PARD3B: variants seen among roughly 807,000 people sequenced by gnomAD.
PARD3B encodes the protein partitioning defective 3 homolog B.
A neutral mutation model predicts 130.2 loss-of-function variants in PARD3B; 103 were observed. The ratio of observed to expected loss-of-function variants is 0.79; its 90% CI spans 0.67 to 0.93. The LOEUF is 0.93. Among genes scored for constraint, PARD3B ranks in the 40% least tolerant of loss-of-function variants. The pLI is 0.00. For missense variants in PARD3B, 1,609 were observed against 1,499.2 expected (o/e 1.07, Z -1.21); for synonymous variants, 583 against 553.2 (o/e 1.05, Z -0.76).
chr2:205,211,432 T>C (rs1429233335), intron 15 of PARD3B, among the ~76,000 whole-genome samples: 3 of 152,118 alleles, frequency 2.0e-5, no homozygotes, highest in Non-Finnish European at 4.4e-5. Flanking sequence ...ATTTGAGACA[T>C]ATCAGTGACA....
intron 10 of PARD3B, among the ~76,000 whole-genome samples, chr2:205,139,104 TATG>T (rs2032730317): frequency 6.6e-6 from 1 of 152,202 alleles, no homozygotes; most frequent in African/African-American, 2.4e-5. Context: ...TACTTACTAG[TATG>T]TTTTGGAGAT....
intron 3 of PARD3B, among the ~76,000 whole-genome samples, chr2:205,000,500 T>TA (rs1468484952): frequency 6.6e-6 from 1 of 152,174 alleles, no homozygotes; most frequent in African/African-American, 2.4e-5. Flanking sequence ...CACAGTCACA[T>TA]AAAAAGCAAT....
chr2:204,806,140 C>T (rs1023062389), intron 2 of PARD3B, among the ~76,000 whole-genome samples: 1 of 151,818 alleles, frequency 6.6e-6, no homozygotes, highest in African/African-American at 2.4e-5. Context: ...AAAAAAAAAT[C>T]CTAAAATTCA....
chr2:205,090,355 G>C (rs1702031301), intron 4 of PARD3B, among the ~76,000 whole-genome samples: 1 of 152,152 alleles, frequency 6.6e-6, no homozygotes, highest in Non-Finnish European at 1.5e-5. Context: ...TTGAGTAAGT[G>C]ATCTGTTACA....
rs759295316 is a variant in PARD3B at position 205,119,065 on chromosome 2, T to G, written c.806+19T>G. ...TTGCTCAGTAAGCATTTTTTCATTG[T>G]TTTATTTACTTTCTTGATCCCTAGC... On this transcript the variant is annotated intron_variant, in intron 7 of 22. Coordinates refer to ENST00000406610, the MANE Select transcript of PARD3B (RefSeq NM_001302769.2). 53 of 1,588,780 alleles carry G rather than the reference T, an allele frequency of 3.3e-5. No individual in the cohort carries two copies. The highest frequency in any genetic ancestry group is 1.2e-5 in the Non-Finnish European group (14 of 1,169,888).
intron 4 of PARD3B, among the ~76,000 whole-genome samples, chr2:205,057,482 T>C (rs1699747655): frequency 6.9e-6 from 1 of 145,248 alleles, no homozygotes; most frequent in Non-Finnish European, 1.5e-5. Context: ...TATACATGTG[T>C]ATGTGTATAT....
chr2:205,201,663 C>A (rs879578748), intron 15 of PARD3B, among the ~76,000 whole-genome samples: 2 of 152,106 alleles, frequency 1.3e-5, no homozygotes, highest in East Asian at 3.9e-4. Flanking sequence ...CATGGAGAAA[C>A]CCTGTCTCTA....
At chr2:205,534,368 G>A (rs1262444046) in intron 21 of PARD3B, among the ~76,000 whole-genome samples, 1 of 152,196 alleles carries the variant, frequency 6.6e-6, no homozygotes, top group African/African-American at 2.4e-5. Context: ...CAAGATGCTT[G>A]GGAAGCTGGA....
At chr2:205,264,745 A>G (rs1236408307) in intron 16 of PARD3B, among the ~76,000 whole-genome samples, 1 of 151,218 alleles carries the variant, frequency 6.6e-6, no homozygotes, top group African/African-American at 2.4e-5. Context: ...TAAATTTTGA[A>G]TAAATGATGA....
chr2:204,820,830 A>AAAC (rs1553534769), intron 2 of PARD3B, among the ~76,000 whole-genome samples: 1 of 151,726 alleles, frequency 6.6e-6, no homozygotes, highest in Non-Finnish European at 1.5e-5. Flanking sequence ...AACAAAAACA[A>AAAC]AAACAAACAA....
chr2:204,556,986 C>A (rs1022987587), intron 1 of PARD3B, among the ~76,000 whole-genome samples: 6 of 151,216 alleles, frequency 4.0e-5, no homozygotes, highest in African/African-American at 1.5e-4. Context: ...TTAAAACTCT[C>A]TACTCATGGG....
At chr2:205,217,782 A>G (rs1232786019) in intron 15 of PARD3B, among the ~76,000 whole-genome samples, 2 of 147,950 alleles carry the variant, frequency 1.4e-5, no homozygotes, top group Admixed American at 6.8e-5. Flanking sequence ...ATATATGTAT[A>G]TATATGTGTG....
intron 19 of PARD3B, among the ~76,000 whole-genome samples, chr2:205,427,242 C>CCAGCAAT: frequency 6.6e-6 from 1 of 152,246 alleles, no homozygotes; most frequent in Admixed American, 6.5e-5. Flanking sequence ...TCTCTTTGAC[C>CCAGCAAT]CAGCAATCCT....
At chr2:205,517,628 G>C (rs1170360257) in intron 21 of PARD3B, among the ~76,000 whole-genome samples, 1 of 151,666 alleles carries the variant, frequency 6.6e-6, no homozygotes, top group African/African-American at 2.4e-5. Context: ...CTAGCTTTGG[G>C]GTTGATTCGT....
rs376841252 is a variant in PARD3B at position 205,119,032 on chromosome 2, C to T, written c.792C>T (p.Asp264=). The change falls in exon 7 of 23, where the codon GAC becomes GAT. Residue 264 remains aspartate, a synonymous_variant. Transcript: ENST00000406610. ...AAATCAACAATGTGGATCTCGTAGA[C>T]AAAACCTTTGCTCAGTAAGCATTTT... ...IVKINNVDLV[D]KTFAQAQDVF... 18 of 1,603,044 alleles carry T rather than the reference C, an allele frequency of 1.1e-5. No homozygotes were observed. The African/African-American group carries it at 2.0e-4, about 18-fold the overall frequency.
intron 18 of PARD3B, among the ~76,000 whole-genome samples, chr2:205,396,663 T>C (rs535852622): frequency 2.6e-5 from 4 of 152,338 alleles, no homozygotes; most frequent in African/African-American, 9.6e-5. Context: ...AGCCATATGT[T>C]TGCACAGAAT....
Position 205,576,184 on chromosome 2 carries a change from T to C in PARD3B, c.3260+22781T>C, listed in dbSNP as rs556898148. On this transcript the variant is annotated intron_variant, in intron 22 of 22. Transcript: ENST00000406610. ...CATGTGTATATCTTCTTTGATGAGG[T>C]GTCTGTTAAGGTCTTTGGCCCATTT... is the stretch of plus-strand genomic sequence containing the variant. 6.6e-5 allele frequency among the ~76,000 whole-genome samples: 10 copies of C among 152,304 alleles called. No homozygotes were observed. In the South Asian group the frequency reaches 1.9e-3, roughly 28 times the overall value.
intron 2 of PARD3B, among the ~76,000 whole-genome samples, chr2:204,785,235 G>C (rs2125460473): frequency 6.6e-6 from 1 of 152,150 alleles, no homozygotes; most frequent in South Asian, 2.1e-4. Context: ...TTCTTGTAAT[G>C]CTCCTTTCAT....
chr2:205,457,855 C>T (rs1262628946), intron 20 of PARD3B, among the ~76,000 whole-genome samples: 1 of 152,082 alleles, frequency 6.6e-6, no homozygotes, highest in Non-Finnish European at 1.5e-5. Flanking sequence ...AAATCTGAAA[C>T]TTTTTGAGCA....
Sources: gnomAD v4.1 joint callset for allele counts (sites outside exome capture counted in the v4.1 genomes callset) on GRCh38, gnomAD v4.1.1 for gene constraint, MANE v1.5 for transcripts, NCBI Gene and HGNC (gene_info 2026-07-23, HGNC 2026-07-21) for gene names.